Variants in BICD1 observed in about 807,000 individuals in gnomAD.
The protein encoded by BICD1 is BICD cargo adaptor 1, also known as protein bicaudal D homolog 1.
A neutral mutation model predicts 92.5 loss-of-function variants in BICD1; 35 were observed. That is an observed-to-expected ratio of 0.38 (90% confidence interval 0.29 to 0.50). The LOEUF (loss-of-function observed/expected upper bound fraction) is 0.50, where lower values mean the gene tolerates loss of function less well. Among genes scored for constraint, BICD1 ranks in the 20% least tolerant of loss-of-function variants. The pLI is 0.93. For synonymous variants in BICD1, 429 were observed against 465.1 expected, an observed-to-expected ratio of 0.92 and a Z score of 1.00; for missense variants, 950 against 1,189.8, an observed-to-expected ratio of 0.80 and a Z score of 2.97.
At chr12:32,250,739 G>A (rs1946502929) in intron 2 of BICD1, among the ~76,000 whole-genome samples, 1 of 152,154 alleles carries the variant, frequency 6.6e-6, no homozygotes. Context: ...CTAGCACTTT[G>A]GGAGGCTGAG....
chr12:32,177,323 A>G (rs1944122601), intron 1 of BICD1, among the ~76,000 whole-genome samples: 1 of 151,998 alleles, frequency 6.6e-6, no homozygotes, highest in African/African-American at 2.4e-5. Flanking sequence ...TCAAAAAAAA[A>G]AAAGAATGAC....
At chr12:32,271,306 G>A (rs776160164) in intron 2 of BICD1, among the ~76,000 whole-genome samples, 24 of 152,248 alleles carry the variant, frequency 1.6e-4, no homozygotes, top group South Asian at 6.2e-4. Context: ...AAAATGAGGC[G>A]CTTATCTCTT....
intron 1 of BICD1, among the ~76,000 whole-genome samples, chr12:32,170,635 G>A (rs556897267): frequency 6.6e-6 from 1 of 152,182 alleles, no homozygotes; most frequent in Non-Finnish European, 1.5e-5. Flanking sequence ...TCTTGGGCTG[G>A]CATAATTTTA....
intron 1 of BICD1, among the ~76,000 whole-genome samples, chr12:32,193,086 A>T (rs181024819): frequency 6.6e-6 from 1 of 152,350 alleles, no homozygotes; most frequent in East Asian, 1.9e-4. Flanking sequence ...AATTTTGAAA[A>T]AAGTTCTACT....
In BICD1 at chr12:32,377,705, TG is replaced by T. The variant is rs1015742875; in HGVS notation, c.*79del. The T allele has an allele frequency of 1.8e-5, 23 of 1,301,064 alleles. No individual in the cohort carries two copies. The highest frequency in any genetic ancestry group is 2.4e-5 in the Non-Finnish European group (22 of 898,196). The allele number at this position is 1,301,064 out of a possible 1,614,324, so 80.6% of individuals were successfully genotyped here. On this transcript the variant is annotated 3_prime_UTR_variant, in exon 10 of 10. Transcript: ENST00000652176. ...AGGATACTGCCCAAGATCCAGCGGGTGTTTTCTTCTCGGTTGTTAGATGTAC... is the reference window on the plus strand; with the variant it reads ...AGGATACTGCCCAAGATCCAGCGGGTTTTTCTTCTCGGTTGTTAGATGTAC...
At chr12:32,343,047 C>T (rs1248991490) in intron 8 of BICD1, among the ~76,000 whole-genome samples, 2 of 152,176 alleles carry the variant, frequency 1.3e-5, no homozygotes, top group Admixed American at 1.3e-4. Context: ...CCATGGCTTG[C>T]TTGTTAACTT....
intron 1 of BICD1, among the ~76,000 whole-genome samples, chr12:32,197,023 C>CTT (rs1277860754): frequency 1.6e-4 from 23 of 144,064 alleles, no homozygotes; most frequent in African/African-American, 4.8e-4. Context: ...CAAGATTTTA[C>CTT]TTTTTTTTTT....
intron 4 of BICD1, among the ~76,000 whole-genome samples, chr12:32,315,129 A>C (rs1167767935): frequency 6.6e-6 from 1 of 152,092 alleles, no homozygotes; most frequent in Non-Finnish European, 1.5e-5. Flanking sequence ...TTAATTTTTG[A>C]ATATGATATG....
chr12:32,230,413 A>C (rs1043392344), intron 2 of BICD1, among the ~76,000 whole-genome samples: 23 of 76,612 alleles, frequency 3.0e-4, no homozygotes, highest in African/African-American at 4.6e-4. Context: ...TAAATAAATA[A>C]ATAAATAAAT....
chr12:32,190,473 T>C (rs1296295396), intron 1 of BICD1, among the ~76,000 whole-genome samples: 2 of 152,218 alleles, frequency 1.3e-5, no homozygotes, highest in African/African-American at 4.8e-5. Flanking sequence ...TAAATAGACT[T>C]TCAGTCAAAA....
At chr12:32,340,660 T>A in intron 8 of BICD1, 16 of 352,070 alleles carry the variant, frequency 4.5e-5, no homozygotes, top group South Asian at 2.3e-4. Context: ...AATATATACT[T>A]TATATTGTTA....
intron 1 of BICD1, among the ~76,000 whole-genome samples, chr12:32,211,978 T>C (rs1945228224): frequency 1.3e-5 from 2 of 152,230 alleles, no homozygotes; most frequent in African/African-American, 4.8e-5. Flanking sequence ...ATTTCTCATC[T>C]ATTCATGAGT....
At chr12:32,260,498 CATGT>C (rs544965830) in intron 2 of BICD1, among the ~76,000 whole-genome samples, 147 of 152,290 alleles carry the variant, frequency 9.7e-4, no homozygotes, top group African/African-American at 3.2e-3. Flanking sequence ...GACTCGCATG[CATGT>C]GTGTGTGTCT....
rs1472848642 is a variant in BICD1 at position 32,318,369 on chromosome 12, G to A, written c.1006-9092G>A. ...GCATGGAATGTTCTTCCATTTGTTT[G>A]TATCCTCTTTTATTTCATTGAGCAG... On this transcript the variant is annotated intron_variant, in intron 4 of 9. Coordinates refer to ENST00000652176, the MANE Select transcript of BICD1 (RefSeq NM_001714.4). Among the ~76,000 whole-genome samples, 287 of 152,138 alleles carry A rather than the reference G, an allele frequency of 1.9e-3. 1 individual carries two copies. Among genetic ancestry groups the A allele is most frequent in the African/African-American group, 6.6e-3 (273 of 41,494 alleles).
rs770378822 is a variant in BICD1, at chr12:32,107,353, C to G, written c.22C>G (p.Gln8Glu). The stretch of plus-strand genomic sequence containing the variant: ...GGCTATGGCCGCAGAAGAGGTATTG[C>G]AGACGGTGGACCATTATAAGACTGA... Reference protein sequence around the residue: MAAEEVLQTVDHYKTEIE... With the variant: MAAEEVLETVDHYKTEIE... Residue 8 changes from glutamine (Q) to glutamate (E), a missense_variant, in exon 1 of 10, where the codon CAG becomes GAG. Gln to Glu is a conservative substitution (Grantham distance 29, BLOSUM62 2). Transcript: ENST00000652176. The G allele has an allele frequency of 1.2e-6, 2 of 1,606,882 alleles. No homozygotes were observed. Among genetic ancestry groups the G allele is most frequent in the Admixed American group, 1.7e-5 (1 of 58,578 alleles).
At chr12:32,319,949 G>A (rs58926489) in intron 4 of BICD1, among the ~76,000 whole-genome samples, 37,865 of 151,974 alleles carry the variant, frequency 0.25, 5,136 homozygotes, top group East Asian at 0.6. Context: ...ACTTTTGTGT[G>A]TTAGTGTGCA....
intron 1 of BICD1, among the ~76,000 whole-genome samples, chr12:32,113,028 A>T (rs1415412332): frequency 6.6e-6 from 1 of 152,164 alleles, no homozygotes; most frequent in Non-Finnish European, 1.5e-5. Context: ...AAACTAAACG[A>T]TGAAACTTGG....
intron 8 of BICD1, among the ~76,000 whole-genome samples, chr12:32,349,786 T>A (rs1938787091): frequency 1.3e-5 from 2 of 152,216 alleles, no homozygotes; most frequent in Non-Finnish European, 2.9e-5. Flanking sequence ...TGTTGTGAAC[T>A]GAGTAGACAA....
chr12:32,149,596 A>G (rs1304768282), intron 1 of BICD1, among the ~76,000 whole-genome samples: 3 of 152,238 alleles, frequency 2.0e-5, no homozygotes, highest in African/African-American at 7.2e-5. Flanking sequence ...TTAGTGTCAG[A>G]GTTAAAAAGA....
Sources: allele counts gnomAD v4.1 joint callset (sites outside exome capture counted in the v4.1 genomes callset), GRCh38; gene constraint gnomAD v4.1.1; transcripts MANE v1.5; gene names NCBI Gene and HGNC (gene_info 2026-07-23, HGNC 2026-07-21).